Variants in PLA2G4E observed in about 807,000 individuals in gnomAD.
The protein encoded by PLA2G4E is cytosolic phospholipase A2 epsilon.
PLA2G4E carries 84 observed loss-of-function variants against 109.1 expected under a neutral mutation model. The ratio of observed to expected loss-of-function variants is 0.77; its 90% CI spans 0.65 to 0.92. PLA2G4E has a LOEUF of 0.92. PLA2G4E is among the 40% of genes least tolerant of loss of function. The pLI is 0.00. For missense variants in PLA2G4E, 1,057 were observed against 1,076.6 expected, an observed-to-expected ratio of 0.98 and a Z score of 0.25; for synonymous variants, 469 against 436.1, an observed-to-expected ratio of 1.08 and a Z score of -0.94.
rs75393897 is a variant in PLA2G4E, at chr15:42,017,051, C to T, written c.184-3294G>A. Among the ~76,000 whole-genome samples, 66 of 152,354 alleles carry T rather than the reference C, an allele frequency of 4.3e-4. 4 individuals carry two copies. The East Asian group carries it at 0.012, about 29-fold the overall frequency. ...ACCAGGCAAGCAGTTTTGGCAAAACCTGTACCCACCGGCCCACTTTCTCAG... is the reference window on the plus strand; with the variant it reads ...ACCAGGCAAGCAGTTTTGGCAAAACTTGTACCCACCGGCCCACTTTCTCAG... On this transcript the variant is annotated intron_variant, in intron 1 of 19. Coordinates refer to ENST00000399518, the Ensembl canonical transcript of PLA2G4E.
intron 1 of PLA2G4E, among the ~76,000 whole-genome samples, chr15:42,032,143 C>T (rs1889123988): frequency 6.6e-6 from 1 of 152,208 alleles, no homozygotes; most frequent in Non-Finnish European, 1.5e-5. Flanking sequence ...TTCCTGAGGG[C>T]TCACCAGAAG....
At chr15:42,028,330 C>G (rs1329123326) in intron 1 of PLA2G4E, among the ~76,000 whole-genome samples, 1 of 152,206 alleles carries the variant, frequency 6.6e-6, no homozygotes, top group South Asian at 2.1e-4. Flanking sequence ...TAGAAAGCTG[C>G]TGACCTGGAA....
Position 42,000,008 on chromosome 15 carries a change from G to A in PLA2G4E, c.853-8C>T, listed in dbSNP as rs1373753391. On this transcript the variant is annotated splice_region_variant and splice_polypyrimidine_tract_variant and intron_variant, in intron 8 of 19. Coordinates refer to ENST00000399518, the Ensembl canonical transcript of PLA2G4E. Reference sequence around the variant, plus strand: ...GCGAGAGCGGCAGCAAAGCTGGAGGGATGGGTGGGTTCTGTGAGAGGGGCT... The same window carrying A: ...GCGAGAGCGGCAGCAAAGCTGGAGGAATGGGTGGGTTCTGTGAGAGGGGCT... The A allele has an allele frequency of 6.2e-7, 1 of 1,603,308 alleles. No individual in the cohort carries two copies. The highest frequency in any genetic ancestry group is 8.5e-7 in the Non-Finnish European group (1 of 1,175,298).
At chr15:42,016,241 CT>C (rs1168452228) in intron 1 of PLA2G4E, among the ~76,000 whole-genome samples, 1,696 of 104,662 alleles carry the variant, frequency 0.016, 10 homozygotes, top group African/African-American at 0.043. Context: ...TTTATCTTTA[CT>C]TTTTTTTTTT....
chr15:41,990,252 T>C lies in PLA2G4E; in HGVS notation c.1471-17A>G, dbSNP rs1321441916. ...TTCATTTCTCTGTGGGGAAACAAAA[T>C]GGTTAAAGAGAAGCAGCAGCCCAGA... On this transcript the variant is annotated splice_polypyrimidine_tract_variant and intron_variant, in intron 13 of 19. Transcript: ENST00000399518. 6 of 1,610,100 alleles carry C rather than the reference T, an allele frequency of 3.7e-6. No homozygotes were observed. Among genetic ancestry groups the C allele is most frequent in the Non-Finnish European group, 5.1e-6 (6 of 1,177,442 alleles).
exon 19 of PLA2G4E, chr15:41,984,578 G>C (rs2068110635): frequency 1.2e-6 from 2 of 1,613,902 alleles, no homozygotes; most frequent in Non-Finnish European, 1.7e-6. Flanking sequence ...TGGGGAAGGG[G>C]ATGTTCTGCA....
chr15:42,050,652 C>A, exon 1 of PLA2G4E: 1 of 1,550,626 alleles, frequency 6.4e-7, no homozygotes. Context: ...CTCTGTGGGA[C>A]AAACACATTA....
At chr15:41,991,313 C>T (rs2068244743) in intron 13 of PLA2G4E, among the ~76,000 whole-genome samples, 1 of 152,210 alleles carries the variant, frequency 6.6e-6, no homozygotes, top group African/African-American at 2.4e-5. Flanking sequence ...GTGCTTCCTC[C>T]TCATCATATG....
chr15:42,013,889 T>G (rs2068562792), intron 1 of PLA2G4E, 132 bp from the exon 2 acceptor site: 10 of 554,488 alleles, frequency 1.8e-5, no homozygotes, highest in South Asian at 1.5e-4. Flanking sequence ...CTGGTTTTTT[T>G]TTTTTTTTTT....
At position 42,001,356 on chromosome 15, in the gene PLA2G4E, T is replaced by A. The variant is rs765053414; in HGVS notation, c.610-136A>T. 1.2e-4 allele frequency: 92 copies of A among 791,546 alleles called. 1 individual carries two copies. Among genetic ancestry groups the A allele is most frequent in the Non-Finnish European group, 1.7e-4 (79 of 476,684 alleles). The allele number at this position is 791,546 out of a possible 1,614,324, so 49.0% of individuals were successfully genotyped here. ...TGGGCTGATGCTGGGGAATGCAGAA[T>A]GTGTTGACCACATTTTCTGAACCCA... is the stretch of plus-strand genomic sequence containing the variant. On this transcript the variant is annotated intron_variant, in intron 6 of 19. Coordinates refer to ENST00000399518, the Ensembl canonical transcript of PLA2G4E.
chr15:41,995,586 A>G (rs1475465547), intron 11 of PLA2G4E, 90 bp from the exon 12 acceptor site: 1 of 1,531,306 alleles, frequency 6.5e-7, no homozygotes, highest in Non-Finnish European at 8.9e-7. Flanking sequence ...TGAAAGAACA[A>G]TGGAGGAGGC....
At chr15:41,994,722 A>T (rs999142644) in intron 12 of PLA2G4E, among the ~76,000 whole-genome samples, 6 of 152,208 alleles carry the variant, frequency 3.9e-5, no homozygotes, top group Non-Finnish European at 8.8e-5. Flanking sequence ...ATTAAAATTT[A>T]TATTTCATGA....
chr15:41,991,098 A>G (rs1361430518), intron 13 of PLA2G4E, among the ~76,000 whole-genome samples: 1 of 152,198 alleles, frequency 6.6e-6, no homozygotes. Flanking sequence ...CACAGAGCCC[A>G]CTGTCCTGGA....
chr15:42,028,125 T>C (rs1296548530), intron 1 of PLA2G4E, among the ~76,000 whole-genome samples: 1 of 152,202 alleles, frequency 6.6e-6, no homozygotes, highest in Non-Finnish European at 1.5e-5. Context: ...GTGGCTCTCA[T>C]TTATTGAATG....
At chr15:41,983,780 GCTT>G (rs778016319) in exon 20 of PLA2G4E, 37 of 1,599,848 alleles carry the variant, frequency 2.3e-5, no homozygotes, top group Middle Eastern at 1.8e-4. Flanking sequence ...CCCTTCAGGC[GCTT>G]CTTCTTCTCC....
chr15:42,009,379 C>G (rs139213218), intron 2 of PLA2G4E, among the ~76,000 whole-genome samples: 47 of 152,264 alleles, frequency 3.1e-4, no homozygotes, highest in African/African-American at 1.1e-3. Flanking sequence ...TGGTGTAGAC[C>G]ACCATAATCT....
At chr15:42,001,064 G>A (rs1163210952) in intron 7 of PLA2G4E, 93 bp downstream of exon 7, 3 of 1,337,366 alleles carry the variant, frequency 2.2e-6, no homozygotes, top group Admixed American at 1.8e-5. Flanking sequence ...CTGAGCCCAG[G>A]GAAGCCCTGG....
At chr15:42,037,201 G>A (rs753428839) in intron 1 of PLA2G4E, among the ~76,000 whole-genome samples, 2 of 152,236 alleles carry the variant, frequency 1.3e-5, no homozygotes, top group Non-Finnish European at 1.5e-5. Flanking sequence ...CTGGGTAGAA[G>A]GGGGTGGGTC....
At chr15:41,983,654 C>CT (rs2068093188) in exon 20 of PLA2G4E, 1 of 1,108,546 alleles carries the variant, frequency 9.0e-7, no homozygotes. Context: ...CACCCATTGC[C>CT]GGAGAGCAGA....
Sources: allele counts gnomAD v4.1 joint callset (sites outside exome capture counted in the v4.1 genomes callset), GRCh38; gene constraint gnomAD v4.1.1; transcripts MANE v1.5; gene names NCBI Gene and HGNC (gene_info 2026-07-23, HGNC 2026-07-21).